The following DTD2 variants were observed in gnomAD, a reference collection of about 807,000 sequenced individuals.
DTD2 encodes D-tyrosyl-tRNA deacylase 2 (putative).
DTD2 carries 12 observed loss-of-function variants against 15.5 expected under a neutral mutation model. That is an observed-to-expected ratio of 0.77 (90% CI 0.50 to 1.25). The LOEUF (loss-of-function observed/expected upper bound fraction) is 1.25. Ranked by LOEUF, DTD2 falls within the 50% of genes most tolerant of loss-of-function variation. The probability of loss-of-function intolerance (pLI) is 0.00; values close to 1 mark genes in which losing one functional copy is unlikely to be tolerated. For synonymous variants in DTD2, 59 were observed against 77.3 expected (o/e 0.76, Z 1.24); for missense variants, 170 against 201.1 (o/e 0.85, Z 0.93).
At position 31,448,144 on chromosome 14, in the gene DTD2, G is replaced by C; in HGVS notation, c.492C>G (p.His164Gln). The C allele has an allele frequency of 1.2e-6, 2 of 1,607,304 alleles. No individual in the cohort carries two copies. The highest frequency in any genetic ancestry group is 2.2e-5 in the South Asian group (2 of 90,012). Residue 164 changes from histidine (H) to glutamine (Q), a missense_variant, in exon 3 of 3, where the codon CAC becomes CAG. By Grantham distance (24) the His-to-Gln change is conservative (BLOSUM62 0). Transcript: ENST00000310850. ...LKLDTNGPFT[H>Q]LIEF ...TTTTTCATTTTCAAAACTCAATTAAGTGTGTGAATGGTCCGTTGGTGTCCA... is the reference window on the plus strand; with the variant it reads ...TTTTTCATTTTCAAAACTCAATTAACTGTGTGAATGGTCCGTTGGTGTCCA...
At chr14:31,449,179 C>T (rs1696852925) in intron 2 of DTD2, among the ~76,000 whole-genome samples, 2 of 152,248 alleles carry the variant, frequency 1.3e-5, no homozygotes, top group Admixed American at 6.5e-5. Flanking sequence ...AGGCGTGAGC[C>T]ACCACGCCCA....
intron 2 of DTD2, among the ~76,000 whole-genome samples, chr14:31,448,911 A>G (rs772358545): frequency 7.2e-5 from 11 of 152,194 alleles, no homozygotes; most frequent in Admixed American, 1.3e-4. Context: ...GTATTTATTT[A>G]GAGACAGAGT....
rs1332397499 is a variant in DTD2 at position 31,446,392 on chromosome 14, C to G, written c.*1737G>C. On this transcript the variant is annotated 3_prime_UTR_variant, in exon 3 of 3. Coordinates refer to ENST00000310850, the MANE Select transcript of DTD2 (RefSeq NM_080664.3). ...AGTTTGCCAAAACTGAATATTACCTCTTACTGACTTAATTATTCTTTCAAT... is the reference window on the plus strand; with the variant it reads ...AGTTTGCCAAAACTGAATATTACCTGTTACTGACTTAATTATTCTTTCAAT... 6.6e-6 allele frequency: 1 copy of G among 152,000 alleles called. No homozygotes were observed. The highest frequency in any genetic ancestry group is 1.5e-5 in the Non-Finnish European group (1 of 68,002). 9.4% of individuals were successfully genotyped at this position (152,000 alleles called of 1,614,324 possible).
intron 2 of DTD2, among the ~76,000 whole-genome samples, chr14:31,449,806 G>T (rs1207303544): frequency 6.6e-6 from 1 of 152,150 alleles, no homozygotes; most frequent in Admixed American, 6.6e-5. Flanking sequence ...GCTTTCTGTT[G>T]GGGTAGCTAA....
In DTD2 at chr14:31,457,425, C is replaced by A. The variant is rs1339536697; in HGVS notation, c.-32G>T. The A allele has an allele frequency of 4.9e-6, 7 of 1,427,630 alleles. No homozygotes were observed. Among genetic ancestry groups the A allele is most frequent in the Non-Finnish European group, 6.5e-6 (7 of 1,077,876 alleles). 88.4% of individuals were successfully genotyped at this position (1,427,630 alleles called of 1,614,324 possible). On this transcript the variant is annotated 5_prime_UTR_variant, in exon 1 of 3. It removes the in-frame stop codon of an upstream open reading frame in the 5' UTR. Transcript: ENST00000310850. Reference sequence around the variant, plus strand: ...AGCCAGCGCCGCGGCCGGACAGTTACTAGGCCATGTGTCGCTGGCCCCTCC... The same window carrying A: ...AGCCAGCGCCGCGGCCGGACAGTTAATAGGCCATGTGTCGCTGGCCCCTCC...
intron 2 of DTD2, chr14:31,452,136 C>T (rs769479638): frequency 2.6e-5 from 4 of 152,170 alleles, no homozygotes; most frequent in Non-Finnish European, 5.9e-5. Flanking sequence ...GAATTCAGCT[C>T]AAGACCCAGG....
In DTD2 at chr14:31,446,195, T is replaced by C. The variant is rs566763892; in HGVS notation, c.*1934A>G. On this transcript the variant is annotated 3_prime_UTR_variant, in exon 3 of 3. Transcript: ENST00000310850. ...GGTATAGAGAAAATAGGATTTTTCA[T>C]GATAAAAATTTTAAGCATCTTAGGA... 6.6e-6 allele frequency: 1 copy of C among 152,270 alleles called. No homozygotes were observed. The highest frequency in any genetic ancestry group is 1.9e-4 in the East Asian group (1 of 5,188). The allele number at this position is 152,270 out of a possible 1,614,324, so 9.4% of individuals were successfully genotyped here.
chr14:31,448,943 G>C (rs776041943), intron 2 of DTD2, among the ~76,000 whole-genome samples: 1 of 152,156 alleles, frequency 6.6e-6, no homozygotes, highest in Non-Finnish European at 1.5e-5. Flanking sequence ...GCCCAGGCTG[G>C]AGTGCAATGG....
intron 2 of DTD2, among the ~76,000 whole-genome samples, chr14:31,451,045 A>G (rs1187030891): frequency 6.6e-6 from 1 of 152,212 alleles, no homozygotes; most frequent in Non-Finnish European, 1.5e-5. Flanking sequence ...GATTTAATCC[A>G]AGGCAAAATA....
At chr14:31,457,212 G>C in intron 1 of DTD2, 71 bp downstream of exon 1, 1 of 1,375,138 alleles carries the variant, frequency 7.3e-7, no homozygotes, top group Non-Finnish European at 1.0e-6. Flanking sequence ...GAGCGGACGA[G>C]TCACCGAGAC....
At chr14:31,451,147 CTTTTTTTT>C (rs1057016355) in intron 2 of DTD2, among the ~76,000 whole-genome samples, 1 of 129,952 alleles carries the variant, frequency 7.7e-6, no homozygotes, top group East Asian at 2.2e-4. Flanking sequence ...ACATTATGTT[CTTTTTTTT>C]TTTTTTTTTT....
At chr14:31,452,671 G>A (rs956359246) in intron 2 of DTD2, 2 of 152,142 alleles carry the variant, frequency 1.3e-5, no homozygotes, top group African/African-American at 4.8e-5. Flanking sequence ...GAGCACTGTA[G>A]GATGAATATG....
intron 1 of DTD2, 200 bp downstream of exon 1, chr14:31,457,083 C>T (rs2032103402): frequency 1.7e-6 from 1 of 572,948 alleles, no homozygotes; most frequent in Non-Finnish European, 3.1e-6. Context: ...CTACAACTGG[C>T]GCTGGGGAAC....
intron 2 of DTD2, among the ~76,000 whole-genome samples, chr14:31,451,323 T>G (rs1452234088): frequency 6.6e-6 from 1 of 152,014 alleles, no homozygotes; most frequent in Non-Finnish European, 1.5e-5. Context: ...AATTTTTTTG[T>G]ATTTTTAGTA....
intron 2 of DTD2, among the ~76,000 whole-genome samples, chr14:31,451,136 T>G (rs927968115): frequency 6.6e-6 from 1 of 151,262 alleles, no homozygotes; most frequent in Non-Finnish European, 1.5e-5. Context: ...GAGTCCTCAT[T>G]ACATTATGTT....
chr14:31,450,899 G>A (rs2032024517), intron 2 of DTD2, among the ~76,000 whole-genome samples: 1 of 152,108 alleles, frequency 6.6e-6, no homozygotes, highest in Non-Finnish European at 1.5e-5. Flanking sequence ...GGATATGATA[G>A]GCATATTTCA....
At chr14:31,453,582 AT>A (rs1400736381) in intron 1 of DTD2, among the ~76,000 whole-genome samples, 19 of 152,248 alleles carry the variant, frequency 1.2e-4, no homozygotes, top group African/African-American at 4.6e-4. Context: ...AAGACAAGTT[AT>A]ACCTTCAAAC....
chr14:31,448,417 TTC>T lies in DTD2; in HGVS notation c.217_218del (p.Glu73LysfsTer36), dbSNP rs759633953. The T allele has an allele frequency of 1.2e-6, 2 of 1,613,594 alleles. No individual in the cohort carries two copies. Among genetic ancestry groups the T allele is most frequent in the South Asian group, 1.1e-5 (1 of 90,934 alleles). On this transcript the variant is annotated frameshift_variant, in exon 3 of 3. Coordinates refer to ENST00000310850, the MANE Select transcript of DTD2 (RefSeq NM_080664.3). LOFTEE classifies it high-confidence loss of function. ...CCAATATAGAGACATGCTTGCCATT[TTC>T]TGTCTCACTTAATTTCACATTTAAC... ...TLLNVKLSET[E>X]NGKHVSILDL...
intron 2 of DTD2, among the ~76,000 whole-genome samples, chr14:31,451,028 CA>C (rs2032025944): frequency 6.6e-6 from 1 of 151,672 alleles, no homozygotes; most frequent in African/African-American, 2.4e-5. Flanking sequence ...TTTTATGGAC[CA>C]AAAAAGATTT....
Sources: gnomAD v4.1 joint callset for allele counts (sites outside exome capture counted in the v4.1 genomes callset) on GRCh38, gnomAD v4.1.1 for gene constraint, MANE v1.5 for transcripts, NCBI Gene and HGNC (gene_info 2026-07-23, HGNC 2026-07-21) for gene names.